The following NOL10 variants were observed in gnomAD, a reference collection of about 807,000 sequenced individuals.
NOL10 encodes H_NH0074G24.1.
A neutral mutation model predicts 103.5 loss-of-function variants in NOL10; 58 were observed. The ratio of observed to expected loss-of-function variants is 0.56; its 90% CI spans 0.45 to 0.70. The LOEUF is 0.70. NOL10 is among the 30% of genes least tolerant of loss of function. NOL10 has a pLI of 0.00. For missense variants in NOL10, 763 were observed against 807.3 expected (o/e 0.95, Z 0.67); for synonymous variants, 287 against 282.5 (o/e 1.02, Z -0.16).
chr2:10,680,099 A>G (rs1015548801), intron 3 of NOL10, among the ~76,000 whole-genome samples: 4 of 151,732 alleles, frequency 2.6e-5, no homozygotes, highest in Non-Finnish European at 5.9e-5. Context: ...ACATGGTGAA[A>G]CCCTGTCTCT....
At position 10,682,060 on chromosome 2, in the gene NOL10, C is replaced by T; in HGVS notation, c.122G>A (p.Arg41Lys). The change falls in exon 3 of 21, where the codon AGG (arginine) becomes AAG (lysine). Residue 41 changes from arginine (R) to lysine (K), a missense_variant. Coordinates refer to ENST00000381685, the MANE Select transcript of NOL10 (RefSeq NM_024894.4). ...AAAGTCCTGAATAAGTTCAATTCTC[C>T]TACGGACATCTAAAAAGAGAGAAAA... ...ALQKKDVDVR[R>K]RIELIQDFEM... is the part of the protein sequence containing the mutation. The T allele has an allele frequency of 1.4e-6, 2 of 1,467,690 alleles. No homozygotes were observed. Among genetic ancestry groups the T allele is most frequent in the Non-Finnish European group, 1.8e-6 (2 of 1,096,674 alleles). 90.9% of individuals were successfully genotyped at this position (1,467,690 alleles called of 1,614,324 possible). A position where few individuals can be genotyped will look rare whatever the true frequency, so the allele number is the denominator to read the frequency against.
At chr2:10,616,267 C>A (rs1209288510) in intron 13 of NOL10, among the ~76,000 whole-genome samples, 1 of 125,960 alleles carries the variant, frequency 7.9e-6, no homozygotes, top group Non-Finnish European at 1.6e-5. Context: ...CTTGCTCTGT[C>A]ACCCAGGTTG....
At chr2:10,574,598 G>A (rs1410191694) in intron 20 of NOL10, among the ~76,000 whole-genome samples, 1 of 146,444 alleles carries the variant, frequency 6.8e-6, no homozygotes, top group African/African-American at 2.5e-5. Flanking sequence ...ATTGAGCAGA[G>A]ATGGTGCCAC....
intron 17 of NOL10, among the ~76,000 whole-genome samples, chr2:10,594,879 C>T (rs1675584735): frequency 6.6e-6 from 1 of 151,962 alleles, no homozygotes; most frequent in African/African-American, 2.4e-5. Context: ...CACCTGTAAT[C>T]CCAGCTACTT....
rs192402285 is a variant in NOL10 at position 10,633,066 on chromosome 2, C to T, written c.1026+11254G>A. Among the ~76,000 whole-genome samples the T allele has an allele frequency of 1.9e-3, 295 of 152,266 alleles. 2 individuals carry two copies. The highest frequency in any genetic ancestry group is 1.9e-3 in the Non-Finnish European group (128 of 68,030). ...TCTTTTAGCAGTTTTGGAGGTCTCA[C>T]TAAGATACCTGATGCACTCACCTGA... On this transcript the variant is annotated intron_variant, in intron 13 of 20. Transcript: ENST00000381685.
chr2:10,645,135 T>C (rs1418395233), intron 12 of NOL10, among the ~76,000 whole-genome samples: 3 of 152,184 alleles, frequency 2.0e-5, no homozygotes, highest in Non-Finnish European at 4.4e-5. Flanking sequence ...AGAAGATGTA[T>C]CATCAGCCCT....
chr2:10,673,230 T>C (rs1681071329), intron 5 of NOL10: 1 of 249,452 alleles, frequency 4.0e-6, no homozygotes, highest in East Asian at 7.5e-5. Flanking sequence ...TACAGGATGA[T>C]ATAAAAGATG....
rs761188945 is a variant in NOL10, at chr2:10,682,032, T to C, written c.150A>G (p.Glu50=). ...RRRIELIQDF[E]MPTVCTTIKV... ...TAATAGTGGTACACACAGTAGGCAT[T>C]TCAAAGTCCTGAATAAGTTCAATTC... is the stretch of plus-strand genomic sequence containing the variant. Residue 50 remains glutamate, a synonymous_variant, in exon 3 of 21, where the codon GAA becomes GAG. Transcript: ENST00000381685. The C allele has an allele frequency of 5.9e-6, 9 of 1,531,670 alleles. No individual in the cohort carries two copies. The highest frequency in any genetic ancestry group is 2.8e-5 in the African/African-American group (2 of 71,982). The allele number at this position is 1,531,670 out of a possible 1,614,324, so 94.9% of individuals were successfully genotyped here.
At chr2:10,676,283 T>G (rs565761759) in intron 3 of NOL10, among the ~76,000 whole-genome samples, 21 of 152,350 alleles carry the variant, frequency 1.4e-4, no homozygotes, top group African/African-American at 4.8e-4. Flanking sequence ...GTTTCCATAC[T>G]TTCAATCTAT....
Position 10,663,118 on chromosome 2 carries a change from G to A in NOL10, c.592-74C>T. The A allele has an allele frequency of 2.4e-6, 3 of 1,267,408 alleles. No homozygotes were observed. In the South Asian group the frequency reaches 3.7e-5, roughly 16 times the overall value. 78.5% of individuals were successfully genotyped at this position (1,267,408 alleles called of 1,614,324 possible). A position where few individuals can be genotyped will look rare whatever the true frequency, so the allele number is the denominator to read the frequency against. The stretch of plus-strand genomic sequence containing the variant: ...ATGGTGGCTCATGCCTGTAATCCCA[G>A]CACTTTGGGAGGCCGAGGCGGGCTG... On this transcript the variant is annotated intron_variant, in intron 8 of 20. Coordinates refer to ENST00000381685, the MANE Select transcript of NOL10 (RefSeq NM_024894.4).
chr2:10,689,607 C>A (rs1682478212), intron 1 of NOL10, among the ~76,000 whole-genome samples, 189 bp downstream of exon 1: 1 of 152,206 alleles, frequency 6.6e-6, no homozygotes, highest in Non-Finnish European at 1.5e-5. Context: ...GGCGCGGTGA[C>A]GGCAGTGTCC....
At chr2:10,595,838 C>G (rs183767710) in intron 17 of NOL10, among the ~76,000 whole-genome samples, 5 of 151,986 alleles carry the variant, frequency 3.3e-5, no homozygotes, top group Non-Finnish European at 2.9e-5. Context: ...CTCCTGGCCT[C>G]AAGTGATCTG....
chr2:10,606,602 T>C (rs1676273423), intron 14 of NOL10, among the ~76,000 whole-genome samples: 3 of 107,598 alleles, frequency 2.8e-5, no homozygotes, highest in Non-Finnish European at 5.5e-5. Flanking sequence ...AGCAAGACTC[T>C]GTCTCAAAAA....
chr2:10,578,692 G>T (rs1674599314), intron 19 of NOL10, among the ~76,000 whole-genome samples: 1 of 152,114 alleles, frequency 6.6e-6, no homozygotes, highest in African/African-American at 2.4e-5. Flanking sequence ...TAGAACACTG[G>T]CCCTTTTTGT....
intron 12 of NOL10, among the ~76,000 whole-genome samples, chr2:10,647,192 C>CAGTGCACTGTAT (rs60013006): frequency 0.046 from 2,425 of 52,182 alleles, 61 homozygotes; most frequent in African/African-American, 0.19. Flanking sequence ...GTGTATAGTA[C>CAGTGCACTGTAT]GCTGTAATAA....
rs143329035 is a variant in NOL10 at position 10,685,892 on chromosome 2, T to A, written c.67-1280A>T. 1.5e-4 allele frequency among the ~76,000 whole-genome samples: 15 copies of A among 97,412 alleles called. No individual in the cohort carries two copies. In the East Asian group the frequency reaches 4.1e-3, roughly 26 times the overall value. The allele number at this position is 97,412 out of a possible 152,430, so 63.9% of individuals were successfully genotyped here. A position where few individuals can be genotyped will look rare whatever the true frequency, so the allele number is the denominator to read the frequency against. On this transcript the variant is annotated intron_variant, in intron 1 of 20. Coordinates refer to ENST00000381685, the MANE Select transcript of NOL10 (RefSeq NM_024894.4). ...CAGCCTGGCAATAAAGTGGGATCACTGTCTCTACAAAAAAAAAAAAGCAGC... is the reference window on the plus strand; with the variant it reads ...CAGCCTGGCAATAAAGTGGGATCACAGTCTCTACAAAAAAAAAAAAGCAGC...
intron 9 of NOL10, among the ~76,000 whole-genome samples, 197 bp from the exon 10 acceptor site, chr2:10,659,447 T>TG (rs1182077116): frequency 6.9e-6 from 1 of 145,044 alleles, no homozygotes; most frequent in Non-Finnish European, 1.5e-5. Context: ...GAGGCTGAGG[T>TG]GGGAGGATTT....
intron 13 of NOL10, among the ~76,000 whole-genome samples, chr2:10,631,212 C>T (rs1677818113): frequency 6.6e-6 from 1 of 152,180 alleles, no homozygotes; most frequent in South Asian, 2.1e-4. Context: ...ATTTAGTAAA[C>T]ATAAATGATC....
chr2:10,683,890 A>G (rs1189982934), intron 2 of NOL10, among the ~76,000 whole-genome samples: 1 of 152,192 alleles, frequency 6.6e-6, no homozygotes, highest in African/African-American at 2.4e-5. Flanking sequence ...ATTGTTATCC[A>G]TGAAACGGTA....
Sources: gnomAD v4.1 joint callset for allele counts (sites outside exome capture counted in the v4.1 genomes callset) on GRCh38, gnomAD v4.1.1 for gene constraint, MANE v1.5 for transcripts, NCBI Gene and HGNC (gene_info 2026-07-23, HGNC 2026-07-21) for gene names.